The following CHST11 variants were observed in gnomAD, a reference collection of about 807,000 sequenced individuals.
CHST11 encodes the protein C4S-1.
CHST11 carries 9 observed loss-of-function variants against 30.4 expected under a neutral mutation model. The observed-to-expected ratio is 0.30, with a 90% CI of 0.18 to 0.52. CHST11 has a LOEUF of 0.52. Among genes scored for constraint, CHST11 ranks in the 20% least tolerant of loss-of-function variants. The pLI, the probability that CHST11 is intolerant of heterozygous loss-of-function variation, is 0.97. For missense variants in CHST11, 348 were observed against 460.6 expected (o/e 0.76, Z 2.24); for synonymous variants, 152 against 187.8 (o/e 0.81, Z 1.56).
At chr12:104,586,977 A>G (rs922148684) in intron 1 of CHST11, among the ~76,000 whole-genome samples, 1 of 152,168 alleles carries the variant, frequency 6.6e-6, no homozygotes, top group Non-Finnish European at 1.5e-5. Context: ...AAGTTCTTCT[A>G]CTACTGTGGG....
intron 2 of CHST11, among the ~76,000 whole-genome samples, chr12:104,638,301 T>A (rs780932473): frequency 1.1e-4 from 16 of 143,564 alleles, no homozygotes; most frequent in Non-Finnish European, 1.5e-5. Flanking sequence ...ATTTTGTATA[T>A]GTGTGAACAG....
chr12:104,675,401 C>G (rs1420437190), intron 2 of CHST11, among the ~76,000 whole-genome samples: 19 of 152,140 alleles, frequency 1.2e-4, no homozygotes. Flanking sequence ...TGCCTTTTTC[C>G]CCCTGGGTGA....
chr12:104,717,499 C>G (rs1213176185), intron 2 of CHST11, among the ~76,000 whole-genome samples: 1 of 152,020 alleles, frequency 6.6e-6, no homozygotes, highest in African/African-American at 2.4e-5. Flanking sequence ...ATAGGCTGGG[C>G]GCTGTGGCTC....
Position 104,599,463 on chromosome 12 carries a change from T to G in CHST11, c.119-2443T>G, listed in dbSNP as rs1033719221. Among the ~76,000 whole-genome samples the G allele has an allele frequency of 2.2e-4, 34 of 152,270 alleles. 1 individual carries two copies. The highest frequency in any genetic ancestry group is 2.2e-3 in the Admixed American group (33 of 15,294). On this transcript the variant is annotated intron_variant, in intron 1 of 2. Coordinates refer to ENST00000303694, the MANE Select transcript of CHST11 (RefSeq NM_018413.6). The stretch of plus-strand genomic sequence containing the variant: ...AATTTTACGAGTTTTATGGCTGTTT[T>G]TACTTCTCCGAAGTGTTGCTATGTC...
rs34967812 is a variant in CHST11 at position 104,577,234 on chromosome 12, A to ATTTT, written c.119-24647_119-24644dup. On this transcript the variant is annotated intron_variant, in intron 1 of 2. Coordinates refer to ENST00000303694, the MANE Select transcript of CHST11 (RefSeq NM_018413.6). ...GTGTATCTGAGGGCTGCAGCCCTTC[A>ATTTT]TTTTTTTTTTTTTTTTTTTTTTTTT... Among the ~76,000 whole-genome samples the ATTTT allele has an allele frequency of 1.7e-3, 129 of 74,248 alleles. 3 individuals carry two copies. The highest frequency in any genetic ancestry group is 7.1e-3 in the African/African-American group (118 of 16,722). 48.7% of individuals were successfully genotyped at this position (74,248 alleles called of 152,430 possible).
chr12:104,685,515 G>T (rs1320089150), intron 2 of CHST11, among the ~76,000 whole-genome samples: 1 of 152,076 alleles, frequency 6.6e-6, no homozygotes, highest in African/African-American at 2.4e-5. Flanking sequence ...ATGGGTTGGC[G>T]ACCAGGGATT....
chr12:104,598,814 C>T (rs546901401), intron 1 of CHST11, among the ~76,000 whole-genome samples: 2 of 152,256 alleles, frequency 1.3e-5, no homozygotes, highest in South Asian at 2.1e-4. Context: ...AAGTGCTGGC[C>T]CAAGCCTCCC....
At chr12:104,546,655 C>T (rs956362368) in intron 1 of CHST11, among the ~76,000 whole-genome samples, 7 of 152,166 alleles carry the variant, frequency 4.6e-5, no homozygotes, top group South Asian at 2.1e-4. Context: ...CAGCACCTGG[C>T]GATTTTTTTT....
chr12:104,711,085 G>A (rs905841546), intron 2 of CHST11, among the ~76,000 whole-genome samples: 1 of 152,002 alleles, frequency 6.6e-6, no homozygotes, highest in African/African-American at 2.4e-5. Context: ...TGCGTGGGGG[G>A]TGTATATTCT....
chr12:104,512,155 A>G (rs1336078841), intron 1 of CHST11, among the ~76,000 whole-genome samples: 2 of 152,214 alleles, frequency 1.3e-5, no homozygotes, highest in African/African-American at 4.8e-5. Context: ...TGAATGTACT[A>G]TTAATAATTA....
intron 2 of CHST11, among the ~76,000 whole-genome samples, chr12:104,620,589 G>T (rs1264249565): frequency 6.6e-6 from 1 of 152,122 alleles, no homozygotes; most frequent in Non-Finnish European, 1.5e-5. Context: ...TTAATGAGAA[G>T]CATTGCAAGG....
intron 2 of CHST11, among the ~76,000 whole-genome samples, chr12:104,696,482 CAAAAAAA>C (rs10602668): frequency 5.2e-4 from 36 of 69,142 alleles, no homozygotes; most frequent in Admixed American, 3.8e-3. Flanking sequence ...GCTAAAAATA[CAAAAAAA>C]AAAAAAAAAA....
chr12:104,642,211 G>A (rs1397162891), intron 2 of CHST11, among the ~76,000 whole-genome samples: 1 of 151,962 alleles, frequency 6.6e-6, no homozygotes, highest in Non-Finnish European at 1.5e-5. Context: ...ATTAAAGGAT[G>A]GTATATCCAT....
intron 1 of CHST11, among the ~76,000 whole-genome samples, chr12:104,510,078 C>T: frequency 6.6e-6 from 1 of 152,228 alleles, no homozygotes; most frequent in East Asian, 1.9e-4. Context: ...TGAATCAGGC[C>T]CAGAAGAGGT....
At chr12:104,493,248 C>T (rs1482117435) in intron 1 of CHST11, among the ~76,000 whole-genome samples, 2 of 152,214 alleles carry the variant, frequency 1.3e-5, no homozygotes, top group East Asian at 1.9e-4. Context: ...CAGGCAGGAG[C>T]CGCTGATCCT....
chr12:104,627,598 T>G (rs1015269077), intron 2 of CHST11, among the ~76,000 whole-genome samples: 3 of 152,186 alleles, frequency 2.0e-5, no homozygotes, highest in Non-Finnish European at 4.4e-5. Flanking sequence ...AATTACTAAG[T>G]GTTCCTTAGC....
intron 2 of CHST11, among the ~76,000 whole-genome samples, chr12:104,754,367 G>A (rs950584403): frequency 6.6e-6 from 1 of 152,098 alleles, no homozygotes; most frequent in Non-Finnish European, 1.5e-5. Context: ...GTAGGTAATC[G>A]GGCAGGTCTG....
chr12:104,463,259 A>G (rs528789290), intron 1 of CHST11, among the ~76,000 whole-genome samples: 1 of 152,338 alleles, frequency 6.6e-6, no homozygotes, highest in Admixed American at 6.5e-5. Flanking sequence ...GAGGAAAACC[A>G]GAAGTCATTC....
chr12:104,723,468 G>C (rs1323983014), intron 2 of CHST11, among the ~76,000 whole-genome samples: 1 of 152,134 alleles, frequency 6.6e-6, no homozygotes, highest in African/African-American at 2.4e-5. Flanking sequence ...GAGAATTTGC[G>C]CTCCCCTTTC....
Sources: allele counts gnomAD v4.1 joint callset (sites outside exome capture counted in the v4.1 genomes callset), GRCh38; gene constraint gnomAD v4.1.1; transcripts MANE v1.5; gene names NCBI Gene and HGNC (gene_info 2026-07-23, HGNC 2026-07-21).